GPHN: variants seen among roughly 807,000 people sequenced by gnomAD.
The protein encoded by GPHN is gephyrin.
Under a neutral mutation model 95.5 loss-of-function variants are expected in GPHN, and 17 were observed. That is an observed-to-expected ratio of 0.18 (90% CI 0.12 to 0.27). GPHN has a LOEUF of 0.27. Ranked by LOEUF, GPHN falls within the 10% of genes least tolerant of loss-of-function variation. The pLI, the probability that GPHN is intolerant of heterozygous loss-of-function variation, is 1.00. For synonymous variants in GPHN, 320 were observed against 322.5 expected, an observed-to-expected ratio of 0.99 and a Z score of 0.08; for missense variants, 660 against 978.1, an observed-to-expected ratio of 0.67 and a Z score of 4.34.
At chr14:66,690,332 C>A (rs1188580159) in intron 2 of GPHN, among the ~76,000 whole-genome samples, 1 of 152,104 alleles carries the variant, frequency 6.6e-6, no homozygotes, top group Non-Finnish European at 1.5e-5. Flanking sequence ...CCTATATTCT[C>A]ACAGTTTCAG....
At chr14:67,128,836 C>T (rs1422666908) in intron 17 of GPHN, among the ~76,000 whole-genome samples, 3 of 147,264 alleles carry the variant, frequency 2.0e-5, no homozygotes, top group Admixed American at 6.8e-5. Flanking sequence ...TTTTTTGAGA[C>T]GGAGTTTCGC....
At chr14:67,629,037 T>C in the GPHN span, among the ~76,000 whole-genome samples, 1 of 152,138 alleles carries the variant, frequency 6.6e-6, no homozygotes, top group Admixed American at 6.5e-5. Flanking sequence ...CTATCATTCA[T>C]TCTTCAAAAA....
chr14:67,709,879 C>T, the GPHN span, among the ~76,000 whole-genome samples: 1 of 152,170 alleles, frequency 6.6e-6, no homozygotes, highest in Non-Finnish European at 1.5e-5. Context: ...CTAAGGAAAT[C>T]TCAAGCTGGA....
intron 1 of GPHN, among the ~76,000 whole-genome samples, chr14:66,612,712 C>T (rs904547812): frequency 1.3e-5 from 2 of 152,054 alleles, no homozygotes; most frequent in Non-Finnish European, 1.5e-5. Context: ...TTTCTATTGC[C>T]TCTTTCCAGT....
the GPHN span, among the ~76,000 whole-genome samples, chr14:67,424,164 C>T: frequency 1.3e-5 from 2 of 151,894 alleles, no homozygotes; most frequent in East Asian, 1.9e-4. Context: ...CACTTGAACC[C>T]GGGAGACGGA....
chr14:67,447,537 G>T, the GPHN span: 1 of 152,034 alleles, frequency 6.6e-6, no homozygotes, highest in Non-Finnish European at 1.5e-5. Context: ...TTAGATGTAG[G>T]TGATGAAAAG....
chr14:67,645,644 C>A, the GPHN span: 3 of 1,612,290 alleles, frequency 1.9e-6, no homozygotes, highest in Non-Finnish European at 2.5e-6. Context: ...TCTTTGCAGC[C>A]TGGCAATCGG....
At chr14:67,446,216 T>C in the GPHN span, 1 of 361,970 alleles carries the variant, frequency 2.8e-6, no homozygotes, top group East Asian at 7.5e-5. Context: ...AGTTTTCTCA[T>C]CTGTAAAATA....
the GPHN span, among the ~76,000 whole-genome samples, chr14:67,414,510 C>G: frequency 1.3e-5 from 2 of 152,226 alleles, no homozygotes; most frequent in Non-Finnish European, 2.9e-5. Flanking sequence ...AGAGAGACAC[C>G]CCTCCTCTCC....
chr14:67,733,964 C>T, the GPHN span: 3 of 727,534 alleles, frequency 4.1e-6, no homozygotes, highest in African/African-American at 1.8e-5. Flanking sequence ...GCGAATCCTG[C>T]CTGCTCTGAT....
the GPHN span, chr14:67,727,014 G>A: frequency 0.13 from 209,257 of 1,612,778 alleles, 14,098 homozygotes; most frequent in Admixed American, 0.14. Context: ...CTCCTGGAGC[G>A]GCTAAAGGTG....
chr14:67,150,573 G>C (rs892989255), intron 18 of GPHN, among the ~76,000 whole-genome samples: 1 of 149,680 alleles, frequency 6.7e-6, no homozygotes, highest in East Asian at 2.0e-4. Context: ...GAGATTATTT[G>C]ATAAATAAGC....
At chr14:66,970,024 T>C (rs1217281743) in intron 9 of GPHN, among the ~76,000 whole-genome samples, 1 of 151,728 alleles carries the variant, frequency 6.6e-6, no homozygotes, top group African/African-American at 2.4e-5. Flanking sequence ...TATAGTCACA[T>C]ATGTTCCTGT....
chr14:66,921,823 A>G (rs576221654), intron 6 of GPHN, among the ~76,000 whole-genome samples: 4 of 152,318 alleles, frequency 2.6e-5, no homozygotes, highest in South Asian at 2.1e-4. Context: ...CTATAAGGCC[A>G]TAGTCACCAA....
intron 5 of GPHN, among the ~76,000 whole-genome samples, chr14:66,882,260 G>A (rs955322456): frequency 6.6e-6 from 1 of 151,658 alleles, no homozygotes; most frequent in African/African-American, 2.4e-5. Flanking sequence ...CACATAGTAA[G>A]TACTCAAAAA....
the GPHN span, among the ~76,000 whole-genome samples, chr14:67,381,361 CAA>C: frequency 0.02 from 3,049 of 152,220 alleles, 38 homozygotes; most frequent in Middle Eastern, 0.034. Context: ...ATTTCTGAGT[CAA>C]AGGGTAATGC....
chr14:67,392,096 A>G, the GPHN span, among the ~76,000 whole-genome samples: 1,159 of 152,306 alleles, frequency 7.6e-3, 19 homozygotes, highest in African/African-American at 0.027. Context: ...TGTGTGTAGT[A>G]CATTTTTCCC....
the GPHN span, among the ~76,000 whole-genome samples, chr14:67,507,344 G>A: frequency 4.6e-5 from 7 of 151,994 alleles, no homozygotes; most frequent in Non-Finnish European, 8.8e-5. Context: ...ACAACATCCT[G>A]TCTCTAAAAT....
intron 11 of GPHN, among the ~76,000 whole-genome samples, chr14:67,080,008 A>C (rs2076628761): frequency 6.6e-6 from 1 of 152,052 alleles, no homozygotes; most frequent in Non-Finnish European, 1.5e-5. Context: ...ATACTATTTT[A>C]CAAGTGGTTA....
Sources: allele counts gnomAD v4.1 joint callset (sites outside exome capture counted in the v4.1 genomes callset), GRCh38; gene constraint gnomAD v4.1.1; transcripts MANE v1.5; gene names NCBI Gene and HGNC (gene_info 2026-07-23, HGNC 2026-07-21).